Variants in SAP130 observed in about 807,000 individuals in gnomAD.
SAP130 encodes Sin3A associated protein 130.
In SAP130, 16 loss-of-function variants were observed where a neutral mutation model predicts 103.2. The observed-to-expected ratio is 0.16, with a 90% CI of 0.10 to 0.24. The LOEUF is 0.24. SAP130 is among the 10% of genes least tolerant of loss of function. SAP130 has a pLI of 1.00. For missense variants in SAP130, 990 were observed against 1,359.7 expected (o/e 0.73, Z 4.28); for synonymous variants, 477 against 497.0 (o/e 0.96, Z 0.53).
At chr2:128,016,776 A>G (rs185642085) in intron 3 of SAP130, among the ~76,000 whole-genome samples, 73 of 152,342 alleles carry the variant, frequency 4.8e-4, no homozygotes, top group African/African-American at 1.7e-3. Context: ...TCAAAGCCAC[A>G]CACACAGTAA....
At chr2:128,023,588 G>C (rs1685294442) in intron 2 of SAP130, among the ~76,000 whole-genome samples, 1 of 152,098 alleles carries the variant, frequency 6.6e-6, no homozygotes, top group South Asian at 2.1e-4. Context: ...GACTATCCTG[G>C]CTAACACAGT....
At chr2:127,958,947 G>A (rs1680041516) in intron 15 of SAP130, among the ~76,000 whole-genome samples, 1 of 152,114 alleles carries the variant, frequency 6.6e-6, no homozygotes, top group African/African-American at 2.4e-5. Context: ...GCCACACCCG[G>A]CTAATATTTT....
chr2:127,944,178 GT>G (rs1304076746), intron 19 of SAP130, among the ~76,000 whole-genome samples: 2 of 151,898 alleles, frequency 1.3e-5, no homozygotes, highest in African/African-American at 4.8e-5. Flanking sequence ...ACTAGGGGGT[GT>G]GCACCACTAC....
At chr2:128,013,240 A>C (rs1345691045) in intron 5 of SAP130, 86 bp from the exon 6 acceptor site, 2 of 1,294,950 alleles carry the variant, frequency 1.5e-6, no homozygotes, top group Non-Finnish European at 1.0e-6. Context: ...CTCAGATAGC[A>C]TGTCAATATC....
intron 2 of SAP130, among the ~76,000 whole-genome samples, chr2:128,018,354 GT>G (rs1203460343): frequency 7.1e-6 from 1 of 141,772 alleles, no homozygotes; most frequent in Admixed American, 6.9e-5. Context: ...CAAAAACCAC[GT>G]TTTTTTGTAA....
intron 15 of SAP130, among the ~76,000 whole-genome samples, chr2:127,958,820 G>C (rs1407712099): frequency 6.6e-6 from 1 of 152,082 alleles, no homozygotes; most frequent in Non-Finnish European, 1.5e-5. Flanking sequence ...CACCATCCTT[G>C]ACTAAGTTTT....
intron 7 of SAP130, among the ~76,000 whole-genome samples, chr2:128,006,307 T>C (rs1412826903): frequency 6.6e-6 from 1 of 152,228 alleles, no homozygotes; most frequent in Non-Finnish European, 1.5e-5. Flanking sequence ...ATAAATTTCA[T>C]TCAACCAAGT....
At position 128,000,157 on chromosome 2, in the gene SAP130, A is replaced by G; in HGVS notation, c.1018-11T>C. The G allele has an allele frequency of 6.2e-7, 1 of 1,613,378 alleles. No individual in the cohort carries two copies. Among genetic ancestry groups the G allele is most frequent in the Non-Finnish European group, 8.5e-7 (1 of 1,179,328 alleles). ...ACTGAAGATTGTTTTCTGTGAGGGA[A>G]ACCCCACAACACAGTTATAAGAACA... On this transcript the variant is annotated splice_polypyrimidine_tract_variant and intron_variant, in intron 8 of 20. Transcript: ENST00000643581.
chr2:128,013,639 A>AAACCTGGTCTTGCGTTTGC lies in SAP130; in HGVS notation c.620-504_620-486dup, dbSNP rs1442876176. Reference sequence around the variant, plus strand: ...CTGCTGAGTTATGCTATAACCAAGCAAACCTGGTCTTGCGTTTGCTAACTT... The same window carrying AAACCTGGTCTTGCGTTTGC: ...CTGCTGAGTTATGCTATAACCAAGCAAACCTGGTCTTGCGTTTGCAACCTGGTCTTGCGTTTGCTAACTT... On this transcript the variant is annotated intron_variant, in intron 5 of 20. Coordinates refer to ENST00000643581, the MANE Select transcript of SAP130 (RefSeq NM_001330301.2). 3.9e-5 allele frequency among the ~76,000 whole-genome samples: 6 copies of AAACCTGGTCTTGCGTTTGC among 152,374 alleles called. No individual in the cohort carries two copies. The East Asian group carries it at 1.2e-3, about 29-fold the overall frequency.
chr2:127,956,702 TAAAAAAAA>T (rs55931869), intron 15 of SAP130, among the ~76,000 whole-genome samples: 3 of 111,268 alleles, frequency 2.7e-5, no homozygotes, highest in Non-Finnish European at 3.7e-5. Flanking sequence ...TAAAGTATAA[TAAAAAAAA>T]AAAAAAAAAA....
At chr2:127,988,387 G>T (rs1218512323) in intron 13 of SAP130, among the ~76,000 whole-genome samples, 2 of 146,730 alleles carry the variant, frequency 1.4e-5, no homozygotes, top group Non-Finnish European at 3.0e-5. Context: ...TTGTACCACT[G>T]TGTTCCAGCT....
At chr2:127,965,005 A>AT (rs1680551953) in intron 15 of SAP130, among the ~76,000 whole-genome samples, 1 of 149,384 alleles carries the variant, frequency 6.7e-6, no homozygotes. Context: ...TCTCAAAAAA[A>AT]AAAAAAACAG....
intron 15 of SAP130, among the ~76,000 whole-genome samples, chr2:127,972,329 G>A (rs1273106396): frequency 6.6e-6 from 1 of 152,232 alleles, no homozygotes; most frequent in Non-Finnish European, 1.5e-5. Flanking sequence ...AACAGAAACA[G>A]ACCAGGTGCA....
intron 4 of SAP130, among the ~76,000 whole-genome samples, chr2:128,015,701 G>C (rs1433771918): frequency 1.3e-5 from 2 of 152,052 alleles, no homozygotes; most frequent in Admixed American, 6.6e-5. Context: ...CAGCACTTTG[G>C]GAGGCCGAGG....
At chr2:128,000,513 G>C in intron 7 of SAP130, 59 bp from the exon 8 acceptor site, 1 of 1,591,800 alleles carries the variant, frequency 6.3e-7, no homozygotes, top group East Asian at 2.2e-5. Context: ...TCTTCTCCTA[G>C]GTTAGTCATG....
rs915655841 is a variant in SAP130 at position 127,942,102 on chromosome 2, A to C, written c.3078T>G (p.Leu1026=). The change falls in exon 21 of 21, where the codon CTT becomes CTG. Residue 1026 remains leucine, a synonymous_variant. Transcript: ENST00000643581. This position sits in a 1 kb window ranked among gnomAD's most constrained non-coding sequence, Gnocchi z 4.8. The part of the protein sequence containing the change: ...DQISEARDSM[L]KVLDHKDRVL... ...CACGGTCTTTATGATCTAAAACCTT[A>C]AGCATGGAGTCTCTGGCTTCACTGA... The C allele has an allele frequency of 2.5e-6, 4 of 1,609,206 alleles. No homozygotes were observed. Among genetic ancestry groups the C allele is most frequent in the Admixed American group, 1.7e-5 (1 of 58,502 alleles).
In SAP130 at chr2:127,989,394, C is replaced by T. The variant is rs548914197; in HGVS notation, c.1780+170G>A. Among the ~76,000 whole-genome samples, 18 of 152,162 alleles carry T rather than the reference C, an allele frequency of 1.2e-4. 1 individual carries two copies. The highest frequency in any genetic ancestry group is 2.4e-4 in the African/African-American group (10 of 41,524). On this transcript the variant is annotated intron_variant, in intron 13 of 20. Transcript: ENST00000643581. This position sits in a 1 kb window ranked among gnomAD's most constrained non-coding sequence, Gnocchi z 4.6. ...TTACAGTGAGGTATATTATTTCTAA[C>T]GTTTACAGTGACCCTGAAACTCTAA... is the stretch of plus-strand genomic sequence containing the variant.
intron 15 of SAP130, among the ~76,000 whole-genome samples, chr2:127,971,681 G>C (rs192227501): frequency 3.3e-5 from 5 of 152,172 alleles, no homozygotes; most frequent in Admixed American, 2.6e-4. Context: ...GTTCTCTACT[G>C]AGTCCTGTCA....
In SAP130 at chr2:128,017,815, C is replaced by G. The variant is rs767632631; in HGVS notation, c.213G>C (p.Val71=). The G allele has an allele frequency of 6.2e-7, 1 of 1,614,208 alleles. No homozygotes were observed. The highest frequency in any genetic ancestry group is 8.5e-7 in the Non-Finnish European group (1 of 1,180,044). The change falls in exon 3 of 21, where the codon GTG becomes GTC. Residue 71 remains valine (V), a synonymous_variant. Transcript: ENST00000643581. ...TCTGCACCTGTGGATAGGGCCTTAC[C>G]ACAACAGGCTCTTGCTTCTCCTCCC... ...QSREEKQEPV[V]VRPYPQVQML... is the part of the protein sequence containing the mutation.
Sources: gnomAD v4.1 joint callset for allele counts (sites outside exome capture counted in the v4.1 genomes callset) on GRCh38, gnomAD v4.1.1 for gene constraint, Gnocchi (gnomAD v3.1) non-coding constraint, MANE v1.5 for transcripts, NCBI Gene and HGNC (gene_info 2026-07-23, HGNC 2026-07-21) for gene names.